Variants in PRKAR2B observed in about 807,000 individuals in gnomAD.
The protein encoded by PRKAR2B is cAMP-dependent protein kinase type II-beta regulatory subunit.
A neutral mutation model predicts 49.9 loss-of-function variants in PRKAR2B; 14 were observed. The observed-to-expected ratio is 0.28, with a 90% CI of 0.19 to 0.44. PRKAR2B has a LOEUF of 0.44. Among genes scored for constraint, PRKAR2B ranks in the 20% least tolerant of loss-of-function variants. The pLI, the probability that PRKAR2B is intolerant of heterozygous loss-of-function variation, is 1.00. For missense variants in PRKAR2B, 393 were observed against 537.9 expected (o/e 0.73, Z 2.67); for synonymous variants, 196 against 197.7 (o/e 0.99, Z 0.07).
intron 2 of PRKAR2B, among the ~76,000 whole-genome samples, chr7:107,093,388 G>C (rs117691847): frequency 2.4e-4 from 37 of 151,970 alleles, no homozygotes; most frequent in Non-Finnish European, 4.4e-4. Flanking sequence ...CTGTTATTTT[G>C]GTTTTTTGAT....
At chr7:107,127,121 T>A (rs1046365569) in intron 3 of PRKAR2B, among the ~76,000 whole-genome samples, 2 of 152,252 alleles carry the variant, frequency 1.3e-5, no homozygotes, top group Admixed American at 6.5e-5. Context: ...AAATGCTGAT[T>A]TAAATTTCCC....
chr7:107,141,883 C>T (rs1795795861), intron 5 of PRKAR2B, among the ~76,000 whole-genome samples: 1 of 152,216 alleles, frequency 6.6e-6, no homozygotes, highest in African/African-American at 2.4e-5. Flanking sequence ...TTAAAGAAGT[C>T]TTGCATTTAT....
intron 7 of PRKAR2B, 62 bp downstream of exon 7, chr7:107,151,085 AT>A: frequency 1.1e-6 from 1 of 949,500 alleles, no homozygotes; most frequent in Non-Finnish European, 1.5e-6. Flanking sequence ...TGCTAGGAAT[AT>A]TTAGTTCTAT....
intron 1 of PRKAR2B, among the ~76,000 whole-genome samples, chr7:107,051,209 T>C (rs1329886221): frequency 1.3e-5 from 2 of 152,244 alleles, no homozygotes; most frequent in Non-Finnish European, 2.9e-5. Flanking sequence ...TTTTCTGTCT[T>C]CCATCAAGTT....
chr7:107,066,548 A>G (rs1272520013), intron 1 of PRKAR2B: 1 of 152,046 alleles, frequency 6.6e-6, no homozygotes, highest in Non-Finnish European at 1.5e-5. Context: ...TTTATAGTTG[A>G]CAGGTACATC....
chr7:107,119,199 G>A (rs1048722670), intron 2 of PRKAR2B, among the ~76,000 whole-genome samples: 3 of 152,152 alleles, frequency 2.0e-5, no homozygotes, highest in African/African-American at 7.2e-5. Flanking sequence ...AACAGTAATG[G>A]ATCAGAGGGT....
chr7:107,155,557 G>A (rs777310365), intron 8 of PRKAR2B, among the ~76,000 whole-genome samples: 1 of 152,052 alleles, frequency 6.6e-6, no homozygotes, highest in African/African-American at 2.4e-5. Flanking sequence ...TTTAATAATT[G>A]CCATTCTGAC....
At chr7:107,118,659 A>G (rs967538716) in intron 2 of PRKAR2B, among the ~76,000 whole-genome samples, 1 of 152,172 alleles carries the variant, frequency 6.6e-6, no homozygotes, top group Non-Finnish European at 1.5e-5. Context: ...AGTGCAAAGG[A>G]TGAGCACAGA....
chr7:107,045,730 C>T (rs556569090), intron 1 of PRKAR2B, among the ~76,000 whole-genome samples: 2 of 152,244 alleles, frequency 1.3e-5, no homozygotes, highest in African/African-American at 4.8e-5. Context: ...CTCACTGGGG[C>T]AGAACAAAAT....
At chr7:107,112,236 A>ATACTGAC (rs1795190696) in intron 2 of PRKAR2B, among the ~76,000 whole-genome samples, 2 of 150,934 alleles carry the variant, frequency 1.3e-5, no homozygotes, top group African/African-American at 4.9e-5. Context: ...TCTCTAATTA[A>ATACTGAC]TACTGACTTT....
intron 2 of PRKAR2B, among the ~76,000 whole-genome samples, 170 bp downstream of exon 2, chr7:107,070,486 G>A (rs1051263968): frequency 6.6e-6 from 1 of 152,160 alleles, no homozygotes; most frequent in Non-Finnish European, 1.5e-5. Context: ...GGAAGCAATT[G>A]AAAATGCCCT....
intron 2 of PRKAR2B, among the ~76,000 whole-genome samples, chr7:107,077,013 T>G (rs778033099): frequency 3.3e-5 from 5 of 152,206 alleles, no homozygotes; most frequent in Non-Finnish European, 7.3e-5. Context: ...CTTGTAGCCT[T>G]GGTGTTCATT....
chr7:107,124,834 A>G (rs944671698), intron 3 of PRKAR2B, among the ~76,000 whole-genome samples: 17 of 152,116 alleles, frequency 1.1e-4, no homozygotes, highest in African/African-American at 4.1e-4. Context: ...GAAGTTGGCA[A>G]ACTTTTTTTG....
intron 4 of PRKAR2B, among the ~76,000 whole-genome samples, chr7:107,137,144 TC>T (rs1795714146): frequency 6.6e-6 from 1 of 152,218 alleles, no homozygotes; most frequent in Admixed American, 6.5e-5. Context: ...CAGCTCTCAT[TC>T]CTAGGCAGGT....
At chr7:107,097,004 G>A (rs1302824404) in intron 2 of PRKAR2B, among the ~76,000 whole-genome samples, 14 of 152,176 alleles carry the variant, frequency 9.2e-5, no homozygotes, top group Admixed American at 9.2e-4. Context: ...GGGGTGGAGA[G>A]TTCTGTAGAT....
chr7:107,102,843 G>A (rs539358043), intron 2 of PRKAR2B, among the ~76,000 whole-genome samples: 25 of 152,060 alleles, frequency 1.6e-4, no homozygotes, highest in Admixed American at 5.9e-4. Context: ...GCTAATTTTT[G>A]TATTTTTAGT....
At chr7:107,087,029 AAAC>A (rs1794632834) in intron 2 of PRKAR2B, among the ~76,000 whole-genome samples, 2 of 152,174 alleles carry the variant, frequency 1.3e-5, no homozygotes, top group African/African-American at 4.8e-5. Context: ...AATTGCAGTG[AAAC>A]TTTTTCACAC....
chr7:107,138,313 TGGG>T (rs1351356640), intron 4 of PRKAR2B, among the ~76,000 whole-genome samples: 1 of 152,208 alleles, frequency 6.6e-6, no homozygotes, highest in African/African-American at 2.4e-5. Context: ...ATGTTTATCT[TGGG>T]GGAGTCTGTG....
intron 2 of PRKAR2B, among the ~76,000 whole-genome samples, chr7:107,107,436 G>A (rs1438107297): frequency 6.6e-6 from 1 of 152,050 alleles, no homozygotes; most frequent in Non-Finnish European, 1.5e-5. Flanking sequence ...TTCTTTTTAA[G>A]CGATTTAATT....
Sources: allele counts gnomAD v4.1 joint callset (sites outside exome capture counted in the v4.1 genomes callset), GRCh38; gene constraint gnomAD v4.1.1; transcripts MANE v1.5; gene names NCBI Gene and HGNC (gene_info 2026-07-23, HGNC 2026-07-21).